The following CBLN2 variants were observed in gnomAD, a reference collection of about 807,000 sequenced individuals.
CBLN2 encodes the protein cerebellin 2 precursor.
In CBLN2, 7 loss-of-function variants were observed where a neutral mutation model predicts 15.0. The observed-to-expected ratio is 0.47, with a 90% confidence interval of 0.27 to 0.88. The LOEUF is 0.88. CBLN2 is among the 40% of genes least tolerant of loss of function. The probability of loss-of-function intolerance (pLI) is 0.14; values close to 1 mark genes in which losing one functional copy is unlikely to be tolerated. For missense variants in CBLN2, 242 were observed against 304.5 expected, an observed-to-expected ratio of 0.79 and a Z score of 1.53; for synonymous variants, 149 against 135.2, an observed-to-expected ratio of 1.10 and a Z score of -0.71.
chr18:72,626,860 G>A (rs1023796298), intron 1 of CBLN2, among the ~76,000 whole-genome samples: 4 of 152,172 alleles, frequency 2.6e-5, no homozygotes, highest in Non-Finnish European at 5.9e-5. Flanking sequence ...CTTCTGCTCA[G>A]CCTCTCTTTT....
intron 1 of CBLN2, among the ~76,000 whole-genome samples, chr18:72,564,915 T>TA (rs1418447237): frequency 3.9e-5 from 6 of 152,100 alleles, no homozygotes; most frequent in African/African-American, 1.4e-4. Flanking sequence ...AGAAAAACAC[T>TA]AAGTCACATA....
At chr18:72,545,916 T>C (rs2069154523), upstream of CBLN2, among the ~76,000 whole-genome samples, 3 of 152,192 alleles carry the variant, frequency 2.0e-5, no homozygotes, top group South Asian at 2.1e-4. Context: ...AGAAAACCAC[T>C]TTCTATGTGG....
At chr18:72,623,803 C>A (rs1171963698) in intron 1 of CBLN2, among the ~76,000 whole-genome samples, 1 of 152,116 alleles carries the variant, frequency 6.6e-6, no homozygotes, top group Non-Finnish European at 1.5e-5. Context: ...AGAAGTGCTG[C>A]GGCATGACAA....
chr18:72,545,128 A>G (rs1433004334), upstream of CBLN2, among the ~76,000 whole-genome samples: 2 of 152,114 alleles, frequency 1.3e-5, no homozygotes, highest in Non-Finnish European at 2.9e-5. Context: ...AGGTCTTTTC[A>G]GGTAGGGGGT....
upstream of CBLN2, among the ~76,000 whole-genome samples, chr18:72,547,443 A>G (rs1211179898): frequency 1.3e-5 from 2 of 152,080 alleles, no homozygotes; most frequent in African/African-American, 4.8e-5. Context: ...CGGCACATGT[A>G]CCCCCTAAAT....
chr18:72,614,510 G>A (rs936919881), intron 1 of CBLN2, among the ~76,000 whole-genome samples: 5 of 152,068 alleles, frequency 3.3e-5, no homozygotes, highest in Non-Finnish European at 5.9e-5. Flanking sequence ...CAAATTATGT[G>A]GAAAGATTTA....
intron 1 of CBLN2, among the ~76,000 whole-genome samples, chr18:72,628,612 G>T (rs915509457): frequency 6.6e-6 from 1 of 152,168 alleles, no homozygotes; most frequent in East Asian, 1.9e-4. Flanking sequence ...TCTCTGAAAG[G>T]GCTGAGAGCC....
chr18:72,543,618 C>T lies in CBLN2; in HGVS notation c.-211-88G>A. On this transcript the variant is annotated intron_variant, in intron 1 of 4. Coordinates refer to ENST00000269503, the MANE Select transcript of CBLN2 (RefSeq NM_182511.4). The surrounding 1 kb of genome is among the most constrained non-coding windows in gnomAD (Gnocchi z 6.8). ...TCCCAGCGCGTGGCCAATAACCGCG[C>T]CGCCCCGCCCTGCCGCTTTCCCGCG... 2.6e-6 allele frequency: 1 copy of T among 390,690 alleles called. No homozygotes were observed. The highest frequency in any genetic ancestry group is 4.5e-5 in the Admixed American group (1 of 22,464). 24.2% of individuals were successfully genotyped at this position (390,690 alleles called of 1,614,324 possible). A position where few individuals can be genotyped will look rare whatever the true frequency, so the allele number is the denominator to read the frequency against.
At chr18:72,631,882 T>C (rs1439390498) in intron 1 of CBLN2, among the ~76,000 whole-genome samples, 1 of 152,174 alleles carries the variant, frequency 6.6e-6, no homozygotes, top group Non-Finnish European at 1.5e-5. Flanking sequence ...CTTACAAATA[T>C]TGACATATGT....
At chr18:72,602,789 G>T (rs1291570875) in intron 1 of CBLN2, among the ~76,000 whole-genome samples, 1 of 152,174 alleles carries the variant, frequency 6.6e-6, no homozygotes, top group Non-Finnish European at 1.5e-5. Context: ...CAGTCCAACA[G>T]TTCTCTTCCT....
intron 1 of CBLN2, among the ~76,000 whole-genome samples, chr18:72,571,901 T>C (rs1473712695): frequency 6.6e-6 from 1 of 152,198 alleles, no homozygotes; most frequent in Admixed American, 6.5e-5. Flanking sequence ...TCGCAAGATA[T>C]CAAAACCAGG....
intron 1 of CBLN2, among the ~76,000 whole-genome samples, chr18:72,574,045 G>A (rs538434599): frequency 6.6e-6 from 1 of 152,256 alleles, no homozygotes; most frequent in East Asian, 1.9e-4. Context: ...GTGAAGTTGA[G>A]CCTCTTTTCA....
At chr18:72,569,651 A>G (rs1037016149) in intron 1 of CBLN2, among the ~76,000 whole-genome samples, 1 of 152,132 alleles carries the variant, frequency 6.6e-6, no homozygotes, top group Non-Finnish European at 1.5e-5. Flanking sequence ...ATCAGGCCCC[A>G]CACATGGCGA....
chr18:72,578,365 CA>C (rs1302385375), intron 1 of CBLN2, among the ~76,000 whole-genome samples: 4 of 152,090 alleles, frequency 2.6e-5, no homozygotes, highest in Admixed American at 2.0e-4. Flanking sequence ...TGTATACATA[CA>C]AAATACATCC....
chr18:72,561,238 C>A (rs975999444), intron 1 of CBLN2, among the ~76,000 whole-genome samples: 6 of 53,518 alleles, frequency 1.1e-4, no homozygotes, highest in Non-Finnish European at 1.5e-4. Context: ...ATAAAAACAA[C>A]AACCCAAAAA....
At chr18:72,636,345 C>T (rs375965235) in intron 1 of CBLN2, among the ~76,000 whole-genome samples, 81 of 152,184 alleles carry the variant, frequency 5.3e-4, no homozygotes, top group African/African-American at 1.8e-3. Context: ...AGTCACAACA[C>T]GGTAAGTTAA....
chr18:72,599,237 A>G (rs1489732408), intron 1 of CBLN2, among the ~76,000 whole-genome samples: 1 of 152,178 alleles, frequency 6.6e-6, no homozygotes, highest in Admixed American at 6.5e-5. Flanking sequence ...TTAATTTTTA[A>G]TGAAGTACAT....
intron 1 of CBLN2, among the ~76,000 whole-genome samples, chr18:72,635,516 T>A (rs2069806732): frequency 1.3e-5 from 2 of 152,160 alleles, no homozygotes; most frequent in African/African-American, 4.8e-5. Flanking sequence ...TTGTATTTTA[T>A]CTTATTTCCT....
intron 1 of CBLN2, among the ~76,000 whole-genome samples, chr18:72,632,786 C>G (rs1200094923): frequency 6.6e-6 from 1 of 152,216 alleles, no homozygotes; most frequent in Non-Finnish European, 1.5e-5. Flanking sequence ...ACTTCAAACT[C>G]TCTTTGCCCA....
Sources: allele counts gnomAD v4.1 joint callset (sites outside exome capture counted in the v4.1 genomes callset), GRCh38; gene constraint gnomAD v4.1.1; non-coding constraint Gnocchi (gnomAD v3.1); transcripts MANE v1.5; gene names NCBI Gene and HGNC (gene_info 2026-07-23, HGNC 2026-07-21).